Variants in CNIH3 observed in about 807,000 individuals in gnomAD.
The protein encoded by CNIH3 is protein cornichon homolog 3.
A neutral mutation model predicts 24.1 loss-of-function variants in CNIH3; 14 were observed. That is an observed-to-expected ratio of 0.58 (90% confidence interval 0.38 to 0.91). The LOEUF (loss-of-function observed/expected upper bound fraction) is 0.91. Among genes scored for constraint, CNIH3 ranks in the 40% least tolerant of loss-of-function variants. The pLI, the probability that CNIH3 is intolerant of heterozygous loss-of-function variation, is 0.00. For missense variants in CNIH3, 178 were observed against 196.8 expected (o/e 0.90, Z 0.57); for synonymous variants, 68 against 73.8 (o/e 0.92, Z 0.40).
At chr1:224,509,309 G>C (rs1678044385) in intron 1 of CNIH3, among the ~76,000 whole-genome samples, 3 of 152,152 alleles carry the variant, frequency 2.0e-5, no homozygotes, top group Non-Finnish European at 2.9e-5. Flanking sequence ...GGGTGAGAGA[G>C]TGAAACCCTG....
At chr1:224,485,808 G>A (rs536456299) in intron 1 of CNIH3, among the ~76,000 whole-genome samples, 6 of 152,170 alleles carry the variant, frequency 3.9e-5, no homozygotes, top group African/African-American at 7.2e-5. Context: ...AATTTTAAGC[G>A]TGCAAAGAAA....
intron 1 of CNIH3, among the ~76,000 whole-genome samples, chr1:224,668,732 C>T (rs1435010850): frequency 6.6e-6 from 1 of 152,036 alleles, no homozygotes; most frequent in Non-Finnish European, 1.5e-5. Context: ...AACATTTGAG[C>T]CAGAAATTTC....
At chr1:224,457,259 G>GC (rs1383236662) in intron 1 of CNIH3, among the ~76,000 whole-genome samples, 2 of 137,524 alleles carry the variant, frequency 1.5e-5, no homozygotes, top group African/African-American at 5.5e-5. Context: ...CCGTAGCTGA[G>GC]CCCTCCTCTC....
At chr1:224,436,008 A>C (rs1674645656) in intron 1 of CNIH3, 1 of 152,216 alleles carries the variant, frequency 6.6e-6, no homozygotes, top group Non-Finnish European at 1.5e-5. Flanking sequence ...GTTGTTTTTA[A>C]ATTTGGAAAT....
At chr1:224,568,152 TGG>T in intron 4 of CNIH3, among the ~76,000 whole-genome samples, 1 of 152,046 alleles carries the variant, frequency 6.6e-6, no homozygotes, top group Non-Finnish European at 1.5e-5. Context: ...TAGCTGGGCA[TGG>T]TGGCACGTGC....
At chr1:224,499,811 C>A (rs777074318) in intron 1 of CNIH3, among the ~76,000 whole-genome samples, 2 of 151,824 alleles carry the variant, frequency 1.3e-5, no homozygotes, top group Non-Finnish European at 2.9e-5. Flanking sequence ...CACCTGTAAT[C>A]CCAGCACTTT....
chr1:224,482,493 G>T (rs1054771130), intron 1 of CNIH3, among the ~76,000 whole-genome samples: 3 of 152,102 alleles, frequency 2.0e-5, no homozygotes, highest in Admixed American at 2.0e-4. Context: ...CTTCAAGGTA[G>T]CGGGCTCCCT....
At chr1:224,436,055 A>G (rs1461275147) in intron 1 of CNIH3, among the ~76,000 whole-genome samples, 1 of 152,236 alleles carries the variant, frequency 6.6e-6, no homozygotes, top group Non-Finnish European at 1.5e-5. Flanking sequence ...ATTAGTAAAG[A>G]ATCCTGAGGT....
At chr1:224,640,287 G>A (rs889554201) in intron 1 of CNIH3, among the ~76,000 whole-genome samples, 2 of 152,166 alleles carry the variant, frequency 1.3e-5, no homozygotes, top group Non-Finnish European at 2.9e-5. Context: ...CTCTCTGAGC[G>A]GCACTTTTCT....
intron 1 of CNIH3, among the ~76,000 whole-genome samples, chr1:224,673,682 G>T (rs6666956): frequency 0.042 from 6,415 of 152,144 alleles, 218 homozygotes; most frequent in East Asian, 0.15. Context: ...ATCTATTTGT[G>T]AATTATCTCT....
chr1:224,567,498 G>A (rs927142321), intron 4 of CNIH3, among the ~76,000 whole-genome samples: 2 of 152,298 alleles, frequency 1.3e-5, no homozygotes, highest in South Asian at 2.1e-4. Context: ...CCAAGAGCAG[G>A]CAGTGAGCAG....
chr1:224,435,022 C>T (rs2102933529), intron 1 of CNIH3: 1 of 985,578 alleles, frequency 1.0e-6, no homozygotes, highest in East Asian at 1.1e-4. Flanking sequence ...GGCCTTTCCC[C>T]TTGCGCCCTG....
At chr1:224,510,944 C>T (rs145739878), upstream of CNIH3, among the ~76,000 whole-genome samples, 895 of 152,338 alleles carry the variant, frequency 5.9e-3, 2 homozygotes, top group Admixed American at 8.4e-3. Context: ...CAGGCCAGCA[C>T]TGAACACAGC....
At chr1:224,608,057 C>T (rs1039481170) in intron 3 of CNIH3, among the ~76,000 whole-genome samples, 20 of 152,120 alleles carry the variant, frequency 1.3e-4, no homozygotes, top group Non-Finnish European at 4.4e-5. Flanking sequence ...TCAATTCTTG[C>T]CTCTTCAGAA....
intron 1 of CNIH3, among the ~76,000 whole-genome samples, chr1:224,520,239 A>C (rs961303186): frequency 6.6e-6 from 1 of 152,256 alleles, no homozygotes; most frequent in Non-Finnish European, 1.5e-5. Flanking sequence ...TTTATTATGC[A>C]GCACAACATC....
upstream of CNIH3, among the ~76,000 whole-genome samples, chr1:224,613,809 C>T (rs370973563): frequency 2.6e-3 from 399 of 152,226 alleles, 1 homozygote; most frequent in African/African-American, 9.0e-3. Flanking sequence ...ATGCTGGTGC[C>T]GTGCTTGTAC....
At chr1:224,522,092 G>T (rs1678658323) in intron 2 of CNIH3, among the ~76,000 whole-genome samples, 1 of 152,196 alleles carries the variant, frequency 6.6e-6, no homozygotes, top group Non-Finnish European at 1.5e-5. Flanking sequence ...TGCCATTGGA[G>T]ATTGGATCAT....
chr1:224,551,657 A>G (rs530227424), intron 3 of CNIH3, among the ~76,000 whole-genome samples: 1 of 152,110 alleles, frequency 6.6e-6, no homozygotes, highest in Non-Finnish European at 1.5e-5. Flanking sequence ...ATGTTATTTC[A>G]TTAATATCAC....
chr1:224,640,491 A>G (rs1418164946), intron 1 of CNIH3, among the ~76,000 whole-genome samples: 3 of 152,232 alleles, frequency 2.0e-5, no homozygotes, highest in Non-Finnish European at 4.4e-5. Context: ...GAGAAGGCAC[A>G]TGCGATCTTA....
Sources: gnomAD v4.1 joint callset for allele counts (sites outside exome capture counted in the v4.1 genomes callset) on GRCh38, gnomAD v4.1.1 for gene constraint, MANE v1.5 for transcripts, NCBI Gene and HGNC (gene_info 2026-07-23, HGNC 2026-07-21) for gene names.